Variants in DUSP22 observed in about 807,000 individuals in gnomAD.
The protein encoded by DUSP22 is dual specificity phosphatase 22.
Under a neutral mutation model 24.5 loss-of-function variants are expected in DUSP22, and 24 were observed. The ratio of observed to expected loss-of-function variants is 0.98; its 90% CI spans 0.71 to 1.38. The LOEUF is 1.38. Ranked by LOEUF, DUSP22 falls within the 40% of genes most tolerant of loss-of-function variation. The probability of loss-of-function intolerance (pLI) is 0.00; values close to 1 mark genes in which losing one functional copy is unlikely to be tolerated. For synonymous variants in DUSP22, 160 were observed against 106.4 expected (o/e 1.50, Z -3.10); for missense variants, 330 against 269.2 (o/e 1.23, Z -1.58).
intron 1 of DUSP22, among the ~76,000 whole-genome samples, chr6:301,624 G>T (rs776936733): frequency 2.0e-5 from 3 of 152,288 alleles, no homozygotes; most frequent in Non-Finnish European, 4.4e-5. Flanking sequence ...GAGGCTCTGC[G>T]CAAGGCTGAG....
intron 3 of DUSP22, among the ~76,000 whole-genome samples, chr6:321,218 C>T (rs989396379): frequency 9.2e-5 from 14 of 152,414 alleles, no homozygotes; most frequent in African/African-American, 3.1e-4. Flanking sequence ...ATGGGGCATG[C>T]AAGGGAAGGT....
intron 3 of DUSP22, among the ~76,000 whole-genome samples, chr6:333,673 G>A (rs1189718275): frequency 1.3e-5 from 2 of 152,310 alleles, no homozygotes; most frequent in Non-Finnish European, 2.9e-5. Context: ...AAGTTCAGGA[G>A]TGATCCCCAG....
intron 1 of DUSP22, among the ~76,000 whole-genome samples, chr6:293,233 G>A (rs1316920626): frequency 6.6e-6 from 1 of 152,284 alleles, no homozygotes; most frequent in Admixed American, 6.5e-5. Context: ...GCCCCACCCT[G>A]TGTTCTTTTG....
intron 1 of DUSP22, among the ~76,000 whole-genome samples, chr6:295,250 G>T (rs1724602860): frequency 6.6e-6 from 1 of 152,288 alleles, no homozygotes; most frequent in Non-Finnish European, 1.5e-5. Flanking sequence ...CGTACACATT[G>T]GTCATTTTTG....
chr6:337,803 C>A (rs1373501202), intron 4 of DUSP22, among the ~76,000 whole-genome samples: 8 of 152,300 alleles, frequency 5.3e-5, no homozygotes, highest in Admixed American at 5.2e-4. Flanking sequence ...TCTCTCCTAT[C>A]CCAAATATGT....
At chr6:323,531 G>A (rs1355765354) in intron 3 of DUSP22, among the ~76,000 whole-genome samples, 3 of 152,304 alleles carry the variant, frequency 2.0e-5, no homozygotes, top group African/African-American at 7.2e-5. Context: ...GTTTTTCCCC[G>A]GCTAGTGGGG....
At chr6:340,218 G>A (rs544973973) in intron 4 of DUSP22, among the ~76,000 whole-genome samples, 47 of 152,416 alleles carry the variant, frequency 3.1e-4, no homozygotes, top group South Asian at 4.1e-4. Flanking sequence ...TTGACAGTGC[G>A]TGAAATATCA....
chr6:350,564 C>T lies in DUSP22; in HGVS notation c.*1613C>T, dbSNP rs562053075. ...GGAAAAACAAAGTTGCCTGATTCCG[C>T]GCAGGTGCACAGGCCCCGGATGTAC... On this transcript the variant is annotated 3_prime_UTR_variant, in exon 7 of 7. Coordinates refer to ENST00000419235, the MANE Select transcript of DUSP22 (RefSeq NM_001286555.3). The T allele has an allele frequency of 5.7e-3, 7,861 of 1,380,328 alleles. No homozygotes were observed. Among genetic ancestry groups the T allele is most frequent in the Non-Finnish European group, 6.8e-3 (7,276 of 1,067,728 alleles). The allele number at this position is 1,380,328 out of a possible 1,614,324, so 85.5% of individuals were successfully genotyped here.
At chr6:336,706 C>T (rs1459361230) in intron 4 of DUSP22, among the ~76,000 whole-genome samples, 7 of 152,294 alleles carry the variant, frequency 4.6e-5, no homozygotes, top group African/African-American at 1.2e-4. Context: ...GAAAGGTGAA[C>T]GTTTAAGATT....
intron 2 of DUSP22, 148 bp downstream of exon 2, chr6:304,809 T>C (rs967602743): frequency 1.0e-4 from 126 of 1,236,096 alleles, no homozygotes; most frequent in Non-Finnish European, 1.4e-4. Context: ...GGACTTTTCA[T>C]GTTCCCAAAC....
In DUSP22 at chr6:350,501, T is replaced by C. The variant is rs1257637674; in HGVS notation, c.*1550T>C. The stretch of plus-strand genomic sequence containing the variant: ...ATAAGAAGAGCAGTTTTCCTGTGCA[T>C]ATAGAGGGTGTGTCAAAGGTGAGCT... On this transcript the variant is annotated 3_prime_UTR_variant, in exon 7 of 7. Transcript: ENST00000419235. The C allele has an allele frequency of 2.4e-6, 3 of 1,271,554 alleles. No homozygotes were observed. The highest frequency in any genetic ancestry group is 1.5e-5 in the African/African-American group (1 of 66,206). 78.8% of individuals were successfully genotyped at this position (1,271,554 alleles called of 1,614,324 possible).
chr6:338,571 A>G (rs1447386616), intron 4 of DUSP22, among the ~76,000 whole-genome samples: 2 of 152,308 alleles, frequency 1.3e-5, no homozygotes, highest in African/African-American at 2.4e-5. Context: ...AACAAAAGCA[A>G]AAGAAGTCTT....
At chr6:327,383 G>A (rs1394314585) in intron 3 of DUSP22, among the ~76,000 whole-genome samples, 1 of 152,306 alleles carries the variant, frequency 6.6e-6, no homozygotes, top group Non-Finnish European at 1.5e-5. Flanking sequence ...AGGGCTACCT[G>A]CAGGTGCCGT....
intron 3 of DUSP22, among the ~76,000 whole-genome samples, chr6:333,612 A>C (rs1393715942): frequency 2.6e-5 from 4 of 152,298 alleles, no homozygotes; most frequent in Non-Finnish European, 5.9e-5. Flanking sequence ...ACTAAGAGAG[A>C]CTGAAAGCTC....
intron 4 of DUSP22, among the ~76,000 whole-genome samples, chr6:343,829 A>G (rs1759730779): frequency 6.6e-6 from 1 of 152,302 alleles, no homozygotes; most frequent in South Asian, 2.1e-4. Context: ...GCCGTGCCTG[A>G]ATTTCTCATT....
intron 1 of DUSP22, 25 bp downstream of exon 1, chr6:292,585 G>T: frequency 6.3e-7 from 1 of 1,592,554 alleles, no homozygotes; most frequent in South Asian, 1.1e-5. Flanking sequence ...CGTTCGCGCT[G>T]GGTTTGCCTC....
chr6:292,668 TGGGGACGGGCGCGGAGGG>T (rs1757142723), intron 1 of DUSP22, 108 bp downstream of exon 1: 1 of 1,442,380 alleles, frequency 6.9e-7, no homozygotes, highest in Non-Finnish European at 9.2e-7. Context: ...TTTCCCGCGG[TGGGGACGGGCGCGGAGGG>T]AGGGGCGGCG....
chr6:318,764 G>T (rs1758443499), intron 3 of DUSP22, among the ~76,000 whole-genome samples: 1 of 152,306 alleles, frequency 6.6e-6, no homozygotes, highest in Non-Finnish European at 1.5e-5. Context: ...GCCATTCATG[G>T]CAGCGCTGTT....
chr6:310,632 T>A (rs551096238), intron 2 of DUSP22, among the ~76,000 whole-genome samples: 1 of 152,424 alleles, frequency 6.6e-6, no homozygotes, highest in South Asian at 2.1e-4. Context: ...GCTTTTGACG[T>A]CTGGGGAAAG....
Sources: allele counts gnomAD v4.1 joint callset (sites outside exome capture counted in the v4.1 genomes callset), GRCh38; gene constraint gnomAD v4.1.1; transcripts MANE v1.5; gene names NCBI Gene and HGNC (gene_info 2026-07-23, HGNC 2026-07-21).